ST8SIA6: variants seen among roughly 807,000 people sequenced by gnomAD.
The protein encoded by ST8SIA6 is ST8 alpha-N-acetyl-neuraminide alpha-2,8-sialyltransferase 6.
A neutral mutation model predicts 33.6 loss-of-function variants in ST8SIA6; 39 were observed. That is an observed-to-expected ratio of 1.16 (90% CI 0.90 to 1.52). The LOEUF (loss-of-function observed/expected upper bound fraction) is 1.52. Among genes scored for constraint, ST8SIA6 ranks in the 40% most tolerant of loss-of-function variants. The probability of loss-of-function intolerance (pLI) is 0.00; values close to 1 mark genes in which losing one functional copy is unlikely to be tolerated. For missense variants in ST8SIA6, 441 were observed against 443.8 expected (o/e 0.99, Z 0.06); for synonymous variants, 172 against 167.2 (o/e 1.03, Z -0.22).
intron 3 of ST8SIA6, among the ~76,000 whole-genome samples, chr10:17,388,525 AAG>A (rs1301195043): frequency 6.6e-6 from 1 of 152,132 alleles, no homozygotes; most frequent in Non-Finnish European, 1.5e-5. Flanking sequence ...GAGAGAGAGA[AAG>A]AGAATTATTA....
intron 7 of ST8SIA6, among the ~76,000 whole-genome samples, chr10:17,321,820 A>C (rs1235817807): frequency 6.6e-6 from 1 of 152,158 alleles, no homozygotes; most frequent in Non-Finnish European, 1.5e-5. Context: ...CTGAAAATAG[A>C]CTGGGCACAG....
chr10:17,395,948 CTA>C (rs1850790347), intron 2 of ST8SIA6, among the ~76,000 whole-genome samples: 1 of 152,154 alleles, frequency 6.6e-6, no homozygotes, highest in African/African-American at 2.4e-5. Flanking sequence ...AACTGCCAAA[CTA>C]TACAGTTGAG....
At chr10:17,383,125 C>CT (rs920695436) in intron 3 of ST8SIA6, among the ~76,000 whole-genome samples, 20 of 145,158 alleles carry the variant, frequency 1.4e-4, no homozygotes, top group Admixed American at 2.8e-4. Flanking sequence ...AAGGTTTTCA[C>CT]TTTTTTTTTT....
chr10:17,344,038 T>C (rs746397204), intron 4 of ST8SIA6, among the ~76,000 whole-genome samples: 41 of 152,180 alleles, frequency 2.7e-4, no homozygotes, highest in Non-Finnish European at 4.4e-4. Flanking sequence ...GTGAAGTTAC[T>C]TGCCTGAGGT....
intron 3 of ST8SIA6, among the ~76,000 whole-genome samples, chr10:17,364,581 T>C (rs942203577): frequency 6.6e-6 from 1 of 152,234 alleles, no homozygotes; most frequent in Non-Finnish European, 1.5e-5. Context: ...GGAATTTTTT[T>C]CTAAGTGCTT....
intron 4 of ST8SIA6, among the ~76,000 whole-genome samples, chr10:17,333,717 A>ATATATTTTTT (rs1251981910): frequency 8.9e-5 from 3 of 33,770 alleles, no homozygotes; most frequent in Non-Finnish European, 1.4e-4. Context: ...ATATATATAT[A>ATATATTTTTT]TTTTTTTTTT....
intron 4 of ST8SIA6, among the ~76,000 whole-genome samples, chr10:17,342,041 G>GTT (rs1404778660): frequency 1.3e-5 from 2 of 152,172 alleles, no homozygotes; most frequent in East Asian, 3.9e-4. Flanking sequence ...CTCCAGAACT[G>GTT]TGAGAAATAA....
rs1306946131 is a variant in ST8SIA6, at chr10:17,317,110, C to G, written c.*3768G>C. On this transcript the variant is annotated 3_prime_UTR_variant, in exon 8 of 8. Coordinates refer to ENST00000377602, the MANE Select transcript of ST8SIA6 (RefSeq NM_001004470.3). ...TTTTTAATCCATCGTTTTCATCCCT[C>G]TGGAGCCCAACTTTTTATATGGTGC... 6.6e-6 allele frequency among the ~76,000 whole-genome samples: 1 copy of G among 152,174 alleles called. No individual in the cohort carries two copies. Among genetic ancestry groups the G allele is most frequent in the Admixed American group, 6.6e-5 (1 of 15,260 alleles).
At chr10:17,331,630 C>G (rs759206518) in intron 4 of ST8SIA6, 78 bp from the exon 5 acceptor site, 11 of 1,398,406 alleles carry the variant, frequency 7.9e-6, no homozygotes, top group Non-Finnish European at 5.7e-6. Context: ...TGGACAATGC[C>G]GAAGAGGATT....
chr10:17,424,894 T>A (rs917294117), intron 2 of ST8SIA6, among the ~76,000 whole-genome samples: 2 of 151,846 alleles, frequency 1.3e-5, no homozygotes, highest in African/African-American at 4.8e-5. Flanking sequence ...CCACCATACA[T>A]GGCTAATTTT....
chr10:17,377,736 A>C (rs530478353), intron 3 of ST8SIA6, among the ~76,000 whole-genome samples: 1 of 152,352 alleles, frequency 6.6e-6, no homozygotes, highest in South Asian at 2.1e-4. Flanking sequence ...CTATTTTAGC[A>C]ATGTGAAAGG....
chr10:17,361,521 CA>C (rs1849389556), intron 3 of ST8SIA6, among the ~76,000 whole-genome samples: 1 of 129,386 alleles, frequency 7.7e-6, no homozygotes, highest in African/African-American at 3.0e-5. Context: ...CTACAAAACA[CA>C]CACACACACA....
intron 4 of ST8SIA6, among the ~76,000 whole-genome samples, chr10:17,338,136 T>C (rs1040854691): frequency 7.3e-5 from 11 of 150,592 alleles, no homozygotes; most frequent in Non-Finnish European, 1.5e-4. Flanking sequence ...CCGGGTTCAA[T>C]TGATTCTCCT....
In ST8SIA6 at chr10:17,453,432, C is replaced by G. The variant is rs1588942916; in HGVS notation, c.200+127G>C. On this transcript the variant is annotated intron_variant, in intron 2 of 7. Transcript: ENST00000377602. ...CCCGCGCCCTCTTCAAACACACGCACACTCTTACACTCACTCGCGCCGTCC... is the reference window on the plus strand; with the variant it reads ...CCCGCGCCCTCTTCAAACACACGCAGACTCTTACACTCACTCGCGCCGTCC... 4.0e-5 allele frequency: 26 copies of G among 643,816 alleles called. No homozygotes were observed. In the East Asian group the frequency reaches 9.0e-4, roughly 22 times the overall value. The allele number at this position is 643,816 out of a possible 1,614,324, so 39.9% of individuals were successfully genotyped here. A position where few individuals can be genotyped will look rare whatever the true frequency, so the allele number is the denominator to read the frequency against.
intron 2 of ST8SIA6, among the ~76,000 whole-genome samples, chr10:17,412,876 A>G (rs1275367520): frequency 2.0e-5 from 3 of 152,222 alleles, no homozygotes; most frequent in African/African-American, 7.2e-5. Flanking sequence ...CAAATACTTA[A>G]TGGATATCCC....
intron 2 of ST8SIA6, among the ~76,000 whole-genome samples, chr10:17,418,715 G>T (rs1390304140): frequency 6.6e-6 from 1 of 152,156 alleles, no homozygotes; most frequent in Non-Finnish European, 1.5e-5. Context: ...CAAGCTAGCT[G>T]GGCGCGATGG....
chr10:17,350,766 G>T (rs1849005384), intron 4 of ST8SIA6, among the ~76,000 whole-genome samples: 1 of 152,044 alleles, frequency 6.6e-6, no homozygotes. Flanking sequence ...TCTGTAGTCT[G>T]TGTGATCATC....
At chr10:17,426,817 C>T (rs911919344) in intron 2 of ST8SIA6, among the ~76,000 whole-genome samples, 10 of 152,224 alleles carry the variant, frequency 6.6e-5, no homozygotes, top group South Asian at 2.1e-4. Flanking sequence ...GTTCTATGCA[C>T]GGGGCCAGGC....
intron 2 of ST8SIA6, among the ~76,000 whole-genome samples, chr10:17,412,662 G>C (rs997312392): frequency 6.6e-6 from 1 of 152,138 alleles, no homozygotes. Flanking sequence ...CAGGTCTGTA[G>C]AAACTTTGAC....
Sources: allele counts gnomAD v4.1 joint callset (sites outside exome capture counted in the v4.1 genomes callset), GRCh38; gene constraint gnomAD v4.1.1; transcripts MANE v1.5; gene names NCBI Gene and HGNC (gene_info 2026-07-23, HGNC 2026-07-21).